The following NRG1 variants were observed in gnomAD, a reference collection of about 807,000 sequenced individuals.
NRG1 encodes the protein neuregulin 1, also known as pro-neuregulin-1, membrane-bound isoform.
In NRG1, 18 loss-of-function variants were observed where a neutral mutation model predicts 63.8. That is an observed-to-expected ratio of 0.28 (90% CI 0.19 to 0.42). NRG1 has a LOEUF of 0.42. NRG1 is among the 10% of genes least tolerant of loss of function. The probability of loss-of-function intolerance (pLI) is 1.00; values close to 1 mark genes in which losing one functional copy is unlikely to be tolerated. For synonymous variants in NRG1, 302 were observed against 301.3 expected (o/e 1.00, Z -0.02); for missense variants, 762 against 814.7 (o/e 0.94, Z 0.79).
chr8:31,793,857 G>A (rs1820943900), intron 1 of NRG1, among the ~76,000 whole-genome samples: 1 of 152,082 alleles, frequency 6.6e-6, no homozygotes, highest in Non-Finnish European at 1.5e-5. Context: ...CCTTTGAACA[G>A]CATCTTCTTT....
At chr8:32,578,548 C>G (rs1241051199) in intron 1 of NRG1, among the ~76,000 whole-genome samples, 1 of 148,880 alleles carries the variant, frequency 6.7e-6, no homozygotes, top group Non-Finnish European at 1.5e-5. Flanking sequence ...GGTTAAATCA[C>G]AGAGGTCCAC....
chr8:31,941,036 C>T (rs946833839), intron 1 of NRG1, among the ~76,000 whole-genome samples: 7 of 152,030 alleles, frequency 4.6e-5, no homozygotes, highest in African/African-American at 1.7e-4. Flanking sequence ...AAGGAATACT[C>T]TCTAAATCAA....
At chr8:32,605,619 C>T in exon 3 of NRG1, 1 of 1,613,456 alleles carries the variant, frequency 6.2e-7, no homozygotes, top group South Asian at 1.1e-5. Context: ...AGTATATGTG[C>T]AAAGTGATCA....
Position 32,741,990 on chromosome 8 carries a change from C to G in NRG1, c.633-685C>G. The G allele has an allele frequency of 6.2e-7, 1 of 1,605,380 alleles. No homozygotes were observed. The highest frequency in any genetic ancestry group is 8.5e-7 in the Non-Finnish European group (1 of 1,174,578). On this transcript the variant is annotated intron_variant, in intron 6 of 11. Transcript: ENST00000356819. The stretch of plus-strand genomic sequence containing the variant: ...TCTTTAGCATTTTTTTTTTGCTTAC[C>G]ACATTTTTGCCCTCTAGGTGCCAAC...
intron 1 of NRG1, among the ~76,000 whole-genome samples, chr8:31,830,770 A>G (rs1025945546): frequency 1.1e-4 from 17 of 151,058 alleles, no homozygotes; most frequent in Admixed American, 1.3e-4. Context: ...CTGTGGGGGA[A>G]AAAAAAAAGA....
chr8:32,128,082 A>G (rs1007164073), intron 1 of NRG1, among the ~76,000 whole-genome samples: 6 of 151,984 alleles, frequency 3.9e-5, no homozygotes, highest in African/African-American at 1.4e-4. Flanking sequence ...CTGCTCTGCA[A>G]CATATTTGGC....
chr8:31,641,336 T>G (rs867322815), intron 1 of NRG1, among the ~76,000 whole-genome samples: 56 of 150,130 alleles, frequency 3.7e-4, no homozygotes, highest in Non-Finnish European at 4.4e-4. Context: ...TGGTGGGGGT[T>G]TTTTTTTTTG....
At chr8:31,727,653 C>T (rs74536914) in intron 1 of NRG1, among the ~76,000 whole-genome samples, 7 of 152,244 alleles carry the variant, frequency 4.6e-5, no homozygotes, top group South Asian at 2.1e-4. Context: ...TCACTGGCCA[C>T]GTTCAGTAGC....
chr8:32,622,227 A>T (rs1848465539), intron 5 of NRG1, among the ~76,000 whole-genome samples: 1 of 151,842 alleles, frequency 6.6e-6, no homozygotes, highest in African/African-American at 2.4e-5. Context: ...TTGAGGTTTC[A>T]GTAAGTCATG....
chr8:32,295,955 A>G (rs560833261), intron 1 of NRG1, among the ~76,000 whole-genome samples: 140 of 135,824 alleles, frequency 1.0e-3, no homozygotes, highest in Middle Eastern at 7.4e-3. Context: ...AAAAAAAAAA[A>G]AGAGAGAGAG....
intron 1 of NRG1, among the ~76,000 whole-genome samples, chr8:31,851,906 A>G (rs1167243227): frequency 6.6e-6 from 1 of 150,562 alleles, no homozygotes; most frequent in Non-Finnish European, 1.5e-5. Flanking sequence ...ATGATTTCCA[A>G]TTTCATCCAT....
chr8:31,803,514 A>G (rs1444146820), intron 1 of NRG1, among the ~76,000 whole-genome samples: 2 of 152,102 alleles, frequency 1.3e-5, no homozygotes, highest in Non-Finnish European at 2.9e-5. Flanking sequence ...ACCATATTGA[A>G]TTTGCTTCCA....
chr8:31,653,955 CTT>C (rs35705418), intron 1 of NRG1, among the ~76,000 whole-genome samples: 1 of 146,856 alleles, frequency 6.8e-6, no homozygotes, highest in Non-Finnish European at 1.5e-5. Context: ...TCATGATGCG[CTT>C]TTTTTTTTTT....
At chr8:32,136,707 C>T (rs530377892) in intron 1 of NRG1, 119 of 152,218 alleles carry the variant, frequency 7.8e-4, no homozygotes, top group African/African-American at 2.8e-3. Context: ...GTGTGCAAAT[C>T]CAGGAAGACC....
At chr8:31,962,755 T>G (rs1413456158) in intron 1 of NRG1, among the ~76,000 whole-genome samples, 1 of 152,176 alleles carries the variant, frequency 6.6e-6, no homozygotes, top group African/African-American at 2.4e-5. Context: ...AGCCTAGAGT[T>G]GCCTGCCATT....
rs1250636284 is a variant in NRG1 at position 31,947,429 on chromosome 8, C to CATT, written c.37+308014_37+308016dup. ...TCAGCTATGTTGTTTTTGTTATTGT[C>CATT]ATTATTATTATTATTATTTATTACT... On this transcript the variant is annotated intron_variant, in intron 1 of 10. Coordinates refer to the NRG1 transcript ENST00000519301. 7.3e-5 allele frequency among the ~76,000 whole-genome samples: 11 copies of CATT among 150,708 alleles called. No individual in the cohort carries two copies. The South Asian group carries it at 1.0e-3, about 14-fold the overall frequency.
At chr8:32,725,467 T>A (rs994117914) in intron 5 of NRG1, among the ~76,000 whole-genome samples, 2 of 71,736 alleles carry the variant, frequency 2.8e-5, no homozygotes, top group African/African-American at 1.2e-4. Context: ...CTTCCTAATT[T>A]TTTTTTTTTT....
At chr8:32,073,148 G>A (rs983036340) in intron 1 of NRG1, among the ~76,000 whole-genome samples, 3 of 152,108 alleles carry the variant, frequency 2.0e-5, no homozygotes, top group Admixed American at 6.6e-5. Flanking sequence ...TCAACATCTC[G>A]TTTTTTTCCA....
chr8:32,473,409 G>A (rs923613338), intron 1 of NRG1, among the ~76,000 whole-genome samples: 12 of 152,070 alleles, frequency 7.9e-5, no homozygotes, highest in Admixed American at 3.3e-4. Context: ...AAAAGTCATC[G>A]TTTTCCTTTA....
Sources: allele counts gnomAD v4.1 joint callset (sites outside exome capture counted in the v4.1 genomes callset), GRCh38; gene constraint gnomAD v4.1.1; transcripts MANE v1.5; gene names NCBI Gene and HGNC (gene_info 2026-07-23, HGNC 2026-07-21).